BRSK2: variants seen among roughly 807,000 people sequenced by gnomAD.
The protein encoded by BRSK2 is serine/threonine-protein kinase BRSK2.
In BRSK2, 19 loss-of-function variants were observed where a neutral mutation model predicts 83.3. The ratio of observed to expected loss-of-function variants is 0.23; its 90% confidence interval spans 0.16 to 0.33. The LOEUF (loss-of-function observed/expected upper bound fraction) is 0.33, where lower values mean the gene tolerates loss of function less well. BRSK2 is among the 10% of genes least tolerant of loss of function. The probability of loss-of-function intolerance (pLI) is 1.00; values close to 1 mark genes in which losing one functional copy is unlikely to be tolerated. For missense variants in BRSK2, 798 were observed against 1,042.3 expected (o/e 0.77, Z 3.23); for synonymous variants, 519 against 435.4 (o/e 1.19, Z -2.39).
chr11:1,406,882 G>A (rs142367553), intron 1 of BRSK2, among the ~76,000 whole-genome samples: 10 of 152,324 alleles, frequency 6.6e-5, no homozygotes, highest in South Asian at 2.1e-4. Context: ...GTTTGTGTGC[G>A]CCTGCATATC....
In BRSK2 at chr11:1,438,489, C is replaced by T; in HGVS notation, c.272+98C>T. On this transcript the variant is annotated intron_variant, in intron 3 of 19. Coordinates refer to ENST00000528841, the MANE Select transcript of BRSK2 (RefSeq NM_001256627.2). The surrounding 1 kb of genome is among the most constrained non-coding windows in gnomAD (Gnocchi z 6.4). ...GCTTGGGGAGCACAGGGGCTGGAGGCCAGGGGCGCCTGCTGCATCCCAGCA... is the reference window on the plus strand; with the variant it reads ...GCTTGGGGAGCACAGGGGCTGGAGGTCAGGGGCGCCTGCTGCATCCCAGCA... 9.1e-7 allele frequency: 1 copy of T among 1,100,180 alleles called. No homozygotes were observed. The highest frequency in any genetic ancestry group is 1.4e-6 in the Non-Finnish European group (1 of 735,506). The allele number at this position is 1,100,180 out of a possible 1,614,324, so 68.2% of individuals were successfully genotyped here. A position where few individuals can be genotyped will look rare whatever the true frequency, so the allele number is the denominator to read the frequency against.
At chr11:1,408,792 G>C (rs895726622) in intron 1 of BRSK2, among the ~76,000 whole-genome samples, 1 of 142,180 alleles carries the variant, frequency 7.0e-6, no homozygotes, top group Middle Eastern at 3.9e-3. Context: ...GCTGTGCAAG[G>C]GTGTGTGTTT....
At chr11:1,422,915 T>C (rs1049396887) in intron 1 of BRSK2, among the ~76,000 whole-genome samples, 2 of 152,324 alleles carry the variant, frequency 1.3e-5, no homozygotes, top group South Asian at 4.1e-4. Context: ...CCTGGTGATG[T>C]GGTGTCCGGA....
At chr11:1,404,285 C>G (rs966900381) in intron 1 of BRSK2, among the ~76,000 whole-genome samples, 1 of 152,228 alleles carries the variant, frequency 6.6e-6, no homozygotes, top group Non-Finnish European at 1.5e-5. Flanking sequence ...CCTCCTGTCT[C>G]TGGGCCCCGT....
At chr11:1,395,499 AG>A (rs1220862806) in intron 1 of BRSK2, among the ~76,000 whole-genome samples, 1 of 152,120 alleles carries the variant, frequency 6.6e-6, no homozygotes, top group Non-Finnish European at 1.5e-5. Context: ...TGTCCCTGTC[AG>A]GGCCCTTGGC....
At chr11:1,414,753 C>T (rs1847915595) in intron 1 of BRSK2, among the ~76,000 whole-genome samples, 2 of 152,220 alleles carry the variant, frequency 1.3e-5, no homozygotes, top group South Asian at 2.1e-4. Context: ...TGCCCCTCCT[C>T]CATCCGTGGG....
In BRSK2 at chr11:1,460,454, TTTTTTCC is replaced by T. The variant is rs1445443094; in HGVS notation, c.1988-40_1988-34del. 25 of 1,133,482 alleles carry T rather than the reference TTTTTTCC, an allele frequency of 2.2e-5. No individual in the cohort carries two copies. In the African/African-American group the frequency reaches 4.1e-4, roughly 19 times the overall value. 70.2% of individuals were successfully genotyped at this position (1,133,482 alleles called of 1,614,324 possible). A position where few individuals can be genotyped will look rare whatever the true frequency, so the allele number is the denominator to read the frequency against. On this transcript the variant is annotated intron_variant, in intron 19 of 19. Transcript: ENST00000528841. Reference sequence around the variant, plus strand: ...CCTCTTTCTCTCCCCCTTTTTTTTCTTTTTTCCTTTTTTTTTTTTTTTTTGTCTCTGT... The same window carrying T: ...CCTCTTTCTCTCCCCCTTTTTTTTCTTTTTTTTTTTTTTTTTTGTCTCTGT...
chr11:1,442,705 C>A, intron 5 of BRSK2, 99 bp downstream of exon 5: 1 of 963,286 alleles, frequency 1.0e-6, no homozygotes, highest in Non-Finnish European at 1.6e-6. Context: ...CTGAGCCTCC[C>A]GGCACCCCAC....
chr11:1,461,173 C>T lies in BRSK2; in HGVS notation c.*450C>T. ...GGAAGGCCAGGCTCGGGGGAGCCTC[C>T]TCCAGCCCGGCCGACCCGGACTCCC... On this transcript the variant is annotated 3_prime_UTR_variant, in exon 20 of 20. Transcript: ENST00000528841. 3.3e-6 allele frequency: 3 copies of T among 917,412 alleles called. No individual in the cohort carries two copies. The highest frequency in any genetic ancestry group is 4.7e-6 in the Non-Finnish European group (3 of 634,478). The allele number at this position is 917,412 out of a possible 1,614,324, so 56.8% of individuals were successfully genotyped here.
At position 1,456,670 on chromosome 11, in the gene BRSK2, C is replaced by T. The variant is rs776229687; in HGVS notation, c.1922C>T (p.Ala641Val). 25 of 1,606,338 alleles carry T rather than the reference C, an allele frequency of 1.6e-5. No individual in the cohort carries two copies. The highest frequency in any genetic ancestry group is 5.1e-5 in the Admixed American group (3 of 59,204). The change falls in exon 18 of 20, where the codon GCG (alanine) becomes GTG (valine). Residue 641 changes from alanine to valine, a missense_variant. This residue lies in a region of BRSK2 where 455 missense variants were observed against 455.2 expected (regional missense o/e 1.00). Coordinates refer to ENST00000528841, the MANE Select transcript of BRSK2 (RefSeq NM_001256627.2). The part of the protein sequence containing the change: ...AQLLSTHDPP[A>V]AQHLSDTTNC... ...CTGCTGAGCACACACGACCCGCCTG[C>T]GGCCCAGCACTTGTCAGGTGAGGCG...
chr11:1,449,686 T>C, intron 12 of BRSK2, 90 bp from the exon 13 acceptor site: 1 of 1,180,000 alleles, frequency 8.5e-7, no homozygotes, highest in Non-Finnish European at 1.2e-6. Flanking sequence ...CCAGGCCTCC[T>C]GGAGGGTTTA....
chr11:1,396,965 C>T (rs1158425813), intron 1 of BRSK2, among the ~76,000 whole-genome samples: 1 of 152,168 alleles, frequency 6.6e-6, no homozygotes, highest in Non-Finnish European at 1.5e-5. Flanking sequence ...GAAGCTTGTG[C>T]GAGGTTCCAA....
intron 12 of BRSK2, among the ~76,000 whole-genome samples, 193 bp from the exon 13 acceptor site, chr11:1,449,576 GGGGCCCC>G (rs1242502178): frequency 1.3e-5 from 2 of 152,174 alleles, no homozygotes; most frequent in African/African-American, 4.8e-5. Flanking sequence ...GGCTCTGATG[GGGGCCCC>G]AGTGGGGCTG....
chr11:1,401,426 T>C (rs1342707650), intron 1 of BRSK2, among the ~76,000 whole-genome samples: 2 of 152,228 alleles, frequency 1.3e-5, no homozygotes, highest in East Asian at 3.9e-4. Flanking sequence ...TAGGTCGCTC[T>C]TCCAGTCCCC....
At position 1,437,664 on chromosome 11, in the gene BRSK2, C is replaced by T. The variant is rs368104901; in HGVS notation, c.187-642C>T. ...TGTCCCACACACAACAGGATGCCTG[C>T]CCCCACCTCATGGGGCCCACAGAGG... On this transcript the variant is annotated intron_variant, in intron 2 of 19. Transcript: ENST00000528841. Among the ~76,000 whole-genome samples, 13 of 152,346 alleles carry T rather than the reference C, an allele frequency of 8.5e-5. No individual in the cohort carries two copies. In the East Asian group the frequency reaches 2.1e-3, roughly 25 times the overall value.
chr11:1,419,520 CT>C (rs533125251), intron 1 of BRSK2, among the ~76,000 whole-genome samples: 9 of 152,100 alleles, frequency 5.9e-5, no homozygotes, highest in Admixed American at 4.6e-4. Context: ...TGTCTTAGAG[CT>C]TTTTTTTGTT....
chr11:1,459,342 C>T (rs1847109399), intron 19 of BRSK2, 103 bp downstream of exon 19: 5 of 1,367,036 alleles, frequency 3.7e-6, no homozygotes, highest in East Asian at 4.6e-5. Context: ...CCCGGCCTCC[C>T]TGTGTAGATG....
At chr11:1,406,492 C>T (rs893717564) in intron 1 of BRSK2, among the ~76,000 whole-genome samples, 22 of 152,182 alleles carry the variant, frequency 1.4e-4, no homozygotes, top group Non-Finnish European at 3.1e-4. Flanking sequence ...TAAACTGAGC[C>T]ACACCTGGGC....
At chr11:1,439,869 T>TCTTCCCCTGCCCTGGGGGCTTCACTGC (rs538356972) in intron 3 of BRSK2, among the ~76,000 whole-genome samples, 1 of 133,954 alleles carries the variant, frequency 7.5e-6, no homozygotes, top group African/African-American at 2.9e-5. Flanking sequence ...GGGCTTCATA[T>TCTTCCCCTGCCCTGGGGGCTTCACTGC]CTTCCCCTGC....
Sources: gnomAD v4.1 joint callset for allele counts (sites outside exome capture counted in the v4.1 genomes callset) on GRCh38, gnomAD v4.1.1 for gene constraint, gnomAD v4.1.1 regional missense constraint, Gnocchi (gnomAD v3.1) non-coding constraint, MANE v1.5 for transcripts, NCBI Gene and HGNC (gene_info 2026-07-23, HGNC 2026-07-21) for gene names.